LEKR1: variants seen among roughly 807,000 people sequenced by gnomAD.
The protein encoded by LEKR1 is leucine, glutamate and lysine rich 1.
A neutral mutation model predicts 72.4 loss-of-function variants in LEKR1; 59 were observed. The ratio of observed to expected loss-of-function variants is 0.82; its 90% CI spans 0.66 to 1.01. The LOEUF is 1.01. Ranked by LOEUF, LEKR1 falls within the 50% of genes least tolerant of loss-of-function variation. The probability of loss-of-function intolerance (pLI) is 0.00; values close to 1 mark genes in which losing one functional copy is unlikely to be tolerated. For synonymous variants in LEKR1, 257 were observed against 263.2 expected (o/e 0.98, Z 0.23); for missense variants, 728 against 759.2 (o/e 0.96, Z 0.48).
intron 9 of LEKR1, among the ~76,000 whole-genome samples, chr3:156,999,461 G>T (rs1394151557): frequency 1.3e-5 from 2 of 150,744 alleles, no homozygotes; most frequent in African/African-American, 4.9e-5. Flanking sequence ...TCACCTATCC[G>T]CAGGTTTCAC....
At chr3:156,955,203 G>A (rs1576893279) in intron 6 of LEKR1, among the ~76,000 whole-genome samples, 1 of 151,850 alleles carries the variant, frequency 6.6e-6, no homozygotes, top group Admixed American at 6.6e-5. Context: ...CATTTATTTT[G>A]TATCCTGAGA....
intron 11 of LEKR1, among the ~76,000 whole-genome samples, chr3:157,027,584 G>A (rs1242417019): frequency 2.6e-5 from 4 of 152,118 alleles, no homozygotes; most frequent in Non-Finnish European, 5.9e-5. Context: ...GGGAGGCTGA[G>A]GCAGGAGGAT....
At chr3:156,868,210 A>T (rs1244316282) in intron 3 of LEKR1, among the ~76,000 whole-genome samples, 1 of 152,136 alleles carries the variant, frequency 6.6e-6, no homozygotes, top group Non-Finnish European at 1.5e-5. Context: ...ATAAATGCTT[A>T]GAGAACTGTG....
At chr3:156,962,733 C>T (rs1383108928) in intron 6 of LEKR1, among the ~76,000 whole-genome samples, 1 of 152,170 alleles carries the variant, frequency 6.6e-6, no homozygotes, top group Non-Finnish European at 1.5e-5. Flanking sequence ...TGATCATAGG[C>T]ATCTACTCCT....
intron 3 of LEKR1, among the ~76,000 whole-genome samples, chr3:156,915,131 T>C (rs1723502850): frequency 6.6e-6 from 1 of 152,016 alleles, no homozygotes; most frequent in Non-Finnish European, 1.5e-5. Context: ...CATTCTTTTT[T>C]TATGGCTGTA....
chr3:156,946,891 GCTCATAGTAGC>G (rs1366618955), intron 6 of LEKR1, among the ~76,000 whole-genome samples: 1 of 151,170 alleles, frequency 6.6e-6, no homozygotes, highest in Non-Finnish European at 1.5e-5. Flanking sequence ...GCATATAGTT[GCTCATAGTAGC>G]CTCTAATGAT....
Position 156,969,090 on chromosome 3 carries a change from C to T in LEKR1, c.746-10104C>T, listed in dbSNP as rs530218434. Among the ~76,000 whole-genome samples, 175 of 152,112 alleles carry T rather than the reference C, an allele frequency of 1.2e-3. 2 individuals carry two copies. The highest frequency in any genetic ancestry group is 0.01 in the Admixed American group (153 of 15,270). On this transcript the variant is annotated intron_variant, in intron 6 of 12. Transcript: ENST00000356539. ...TCTTTGAAACCAACGAGAACAAAGACACAACATACCAGAATCTCTGGGACA... is the reference window on the plus strand; with the variant it reads ...TCTTTGAAACCAACGAGAACAAAGATACAACATACCAGAATCTCTGGGACA...
chr3:157,021,736 C>T (rs1051177124), intron 10 of LEKR1, among the ~76,000 whole-genome samples: 20 of 152,118 alleles, frequency 1.3e-4, no homozygotes, highest in African/African-American at 4.8e-4. Flanking sequence ...CACCTCAATA[C>T]ACATTTTTCT....
At position 156,945,917 on chromosome 3, in the gene LEKR1, A is replaced by T. The variant is rs139959621; in HGVS notation, c.745+3203A>T. ...CAGTTTTGTTATTTTTGTTCAGTAT[A>T]GCTTTGACTATTCTGGGTCTTTTGT... On this transcript the variant is annotated intron_variant, in intron 6 of 12. Coordinates refer to ENST00000356539, the MANE Select transcript of LEKR1 (RefSeq NM_001004316.3). 1.9e-3 allele frequency among the ~76,000 whole-genome samples: 281 copies of T among 151,610 alleles called. 3 individuals carry two copies. The highest frequency in any genetic ancestry group is 6.3e-3 in the African/African-American group (262 of 41,468).
intron 6 of LEKR1, among the ~76,000 whole-genome samples, chr3:156,958,509 G>T (rs1727846743): frequency 6.6e-6 from 1 of 152,060 alleles, no homozygotes; most frequent in African/African-American, 2.4e-5. Flanking sequence ...CCCCAAGCCT[G>T]CCCCTTTGCT....
intron 3 of LEKR1, among the ~76,000 whole-genome samples, chr3:156,877,131 T>C (rs28881287): frequency 0.048 from 7,368 of 152,280 alleles, 647 homozygotes; most frequent in African/African-American, 0.17. Flanking sequence ...GACTTGTATA[T>C]GTTAAACCAT....
intron 7 of LEKR1, among the ~76,000 whole-genome samples, chr3:156,982,914 A>G (rs1159156728): frequency 6.6e-6 from 1 of 150,388 alleles, no homozygotes; most frequent in Non-Finnish European, 1.5e-5. Flanking sequence ...TAGATGGAAG[A>G]GCTAGAGACA....
intron 2 of LEKR1, among the ~76,000 whole-genome samples, chr3:156,845,354 A>G (rs1405500994): frequency 4.6e-5 from 7 of 151,964 alleles, no homozygotes; most frequent in African/African-American, 1.7e-4. Flanking sequence ...AATTCAGGTT[A>G]TCAGATTTTC....
At chr3:157,028,505 C>G (rs1158377203) in intron 12 of LEKR1, 103 bp downstream of exon 12, 1 of 971,430 alleles carries the variant, frequency 1.0e-6, no homozygotes, top group African/African-American at 1.7e-5. Flanking sequence ...TGGAAAGAGT[C>G]CTGGAATGTT....
At chr3:156,924,523 CTCTG>C in intron 4 of LEKR1, 1 of 682,120 alleles carries the variant, frequency 1.5e-6, no homozygotes, top group East Asian at 2.7e-5. Context: ...TCTGTAAGAA[CTCTG>C]TCTAAGCCGG....
intron 9 of LEKR1, among the ~76,000 whole-genome samples, chr3:157,004,598 A>G (rs1732269615): frequency 6.6e-6 from 1 of 152,170 alleles, no homozygotes; most frequent in African/African-American, 2.4e-5. Flanking sequence ...AAGAAATTTT[A>G]AAGGATTTAA....
chr3:157,003,816 C>A (rs933292055), intron 9 of LEKR1, among the ~76,000 whole-genome samples: 3 of 151,952 alleles, frequency 2.0e-5, no homozygotes, highest in Non-Finnish European at 4.4e-5. Flanking sequence ...CTGTAGCAAC[C>A]ACTAAAATAA....
intron 3 of LEKR1, among the ~76,000 whole-genome samples, chr3:156,865,302 C>A (rs1489062377): frequency 6.6e-6 from 1 of 151,888 alleles, no homozygotes; most frequent in African/African-American, 2.4e-5. Context: ...ACTTAAATGC[C>A]CTTTGCCTCA....
At position 156,942,693 on chromosome 3, in the gene LEKR1, G is replaced by A. The variant is rs771084275; in HGVS notation, c.724G>A (p.Asp242Asn). ...QEVNLQTRCY[D>N]LQKEVLDLQC... ...AGTAAACTTGCAAACCAGATGCTATGATTTGCAAAAAGAAGTACTAGGTAA... is the reference window on the plus strand; with the variant it reads ...AGTAAACTTGCAAACCAGATGCTATAATTTGCAAAAAGAAGTACTAGGTAA... Residue 242 changes from aspartate to asparagine, a missense_variant, in exon 6 of 13, where the codon GAT (aspartate) becomes AAT (asparagine). Physicochemically the swap from Asp to Asn is conservative, Grantham distance 23. Transcript: ENST00000356539. 17 of 1,252,694 alleles carry A rather than the reference G, an allele frequency of 1.4e-5. No homozygotes were observed. Among genetic ancestry groups the A allele is most frequent in the Non-Finnish European group, 1.6e-5 (16 of 976,020 alleles). 77.6% of individuals were successfully genotyped at this position (1,252,694 alleles called of 1,614,324 possible). A position where few individuals can be genotyped will look rare whatever the true frequency, so the allele number is the denominator to read the frequency against.
Sources: gnomAD v4.1 joint callset for allele counts (sites outside exome capture counted in the v4.1 genomes callset) on GRCh38, gnomAD v4.1.1 for gene constraint, MANE v1.5 for transcripts, NCBI Gene and HGNC (gene_info 2026-07-23, HGNC 2026-07-21) for gene names.